The following MSL2 variants were observed in gnomAD, a reference collection of about 807,000 sequenced individuals.
MSL2 encodes the protein MSL complex subunit 2, also known as E3 ubiquitin-protein ligase MSL2.
In MSL2, 2 loss-of-function variants were observed where a neutral mutation model predicts 35.8. The observed-to-expected ratio is 0.06, with a 90% CI of 0.02 to 0.18. MSL2 has a LOEUF of 0.18. MSL2 is among the 10% of genes least tolerant of loss of function. The pLI is 1.00. For synonymous variants in MSL2, 296 were observed against 255.7 expected, an observed-to-expected ratio of 1.16 and a Z score of -1.50; for missense variants, 523 against 706.7, an observed-to-expected ratio of 0.74 and a Z score of 2.95.
intron 1 of MSL2, among the ~76,000 whole-genome samples, chr3:136,158,294 T>G: frequency 6.9e-6 from 1 of 145,846 alleles, no homozygotes; most frequent in South Asian, 2.2e-4. Context: ...CCTGGGCAAC[T>G]AAATCATCTC....
At chr3:136,163,870 G>A (rs529121626) in intron 1 of MSL2, among the ~76,000 whole-genome samples, 12 of 152,160 alleles carry the variant, frequency 7.9e-5, no homozygotes, top group Non-Finnish European at 1.8e-4. Context: ...TGAAGAAGGT[G>A]CCCTGCTTCC....
At chr3:136,158,606 C>G (rs1939602705) in intron 1 of MSL2, among the ~76,000 whole-genome samples, 1 of 151,904 alleles carries the variant, frequency 6.6e-6, no homozygotes, top group Non-Finnish European at 1.5e-5. Context: ...CTTGTTCTAG[C>G]TGGTGCAGTA....
chr3:136,176,173 T>C (rs529469921), intron 1 of MSL2, among the ~76,000 whole-genome samples: 2 of 152,328 alleles, frequency 1.3e-5, no homozygotes, highest in Admixed American at 1.3e-4. Context: ...CTTTGCCCAA[T>C]ATAGTTGTGT....
At position 136,159,360 on chromosome 3, in the gene MSL2, T is replaced by TC. The variant is rs1174082835; in HGVS notation, c.143-6623_143-6622insG. ...GGGGAAAGGAGAGTACTTTCTTTTT[T>TC]TTTTTTTTTTTTTTTTTTTTTGAGA... On this transcript the variant is annotated intron_variant, in intron 1 of 1. Transcript: ENST00000309993. Among the ~76,000 whole-genome samples the TC allele has an allele frequency of 2.6e-4, 33 of 126,224 alleles. 1 individual carries two copies. The highest frequency in any genetic ancestry group is 9.9e-4 in the African/African-American group (32 of 32,438). The allele number at this position is 126,224 out of a possible 152,430, so 82.8% of individuals were successfully genotyped here.
Position 136,195,480 on chromosome 3 carries a change from G to T in MSL2, c.-367C>A, listed in dbSNP as rs372080099. 102 of 1,018,880 alleles carry T rather than the reference G, an allele frequency of 1.0e-4. No homozygotes were observed. The highest frequency in any genetic ancestry group is 1.2e-4 in the Non-Finnish European group (99 of 851,512). 63.1% of individuals were successfully genotyped at this position (1,018,880 alleles called of 1,614,324 possible). Reference sequence around the variant, plus strand: ...CGGCCTGCACTCGAGCTCCATCTCCGGACACGGAGGCGCCTCCTCAAGTCG... The same window carrying T: ...CGGCCTGCACTCGAGCTCCATCTCCTGACACGGAGGCGCCTCCTCAAGTCG... On this transcript the variant is annotated 5_prime_UTR_variant, in exon 1 of 2. Coordinates refer to ENST00000309993, the MANE Select transcript of MSL2 (RefSeq NM_018133.4).
At chr3:136,154,198 T>A (rs1330775750) in intron 1 of MSL2, among the ~76,000 whole-genome samples, 1 of 150,176 alleles carries the variant, frequency 6.7e-6, no homozygotes, top group Non-Finnish European at 1.5e-5. Context: ...AAATACAAAA[T>A]GGAAAAAATT....
chr3:136,172,466 C>T (rs1272949064), intron 1 of MSL2, among the ~76,000 whole-genome samples: 3 of 152,096 alleles, frequency 2.0e-5, no homozygotes, highest in Non-Finnish European at 4.4e-5. Flanking sequence ...CCAGTTATTC[C>T]CTATGCAGAA....
rs1366882413 is a variant in MSL2, at chr3:136,156,302, T to C, written c.143-3564A>G. 2.6e-5 allele frequency among the ~76,000 whole-genome samples: 4 copies of C among 152,120 alleles called. No individual in the cohort carries two copies. In the East Asian group the frequency reaches 5.8e-4, roughly 22 times the overall value. ...TCTTTAAGGGGAGGAACCAGAGTGC[T>C]GAAGTAATGGAAGTCCGTCTGCATG... On this transcript the variant is annotated intron_variant, in intron 1 of 1. Transcript: ENST00000309993.
intron 1 of MSL2, among the ~76,000 whole-genome samples, chr3:136,181,283 TTGAA>T (rs1940353864): frequency 1.3e-5 from 2 of 152,106 alleles, no homozygotes; most frequent in African/African-American, 2.4e-5. Flanking sequence ...CGTTGATCTA[TTGAA>T]TGAAGTATTG....
intron 1 of MSL2, among the ~76,000 whole-genome samples, chr3:136,185,065 C>T (rs1940480480): frequency 6.6e-6 from 1 of 152,120 alleles, no homozygotes; most frequent in Non-Finnish European, 1.5e-5. Flanking sequence ...ACCTCCACCT[C>T]CCAGGTTCAG....
At chr3:136,164,392 TCA>T (rs1234676233) in intron 1 of MSL2, among the ~76,000 whole-genome samples, 3 of 152,310 alleles carry the variant, frequency 2.0e-5, no homozygotes, top group East Asian at 3.9e-4. Context: ...TCACTTAGCT[TCA>T]CAGACTGCCC....
At chr3:136,154,274 T>C (rs181501915) in intron 1 of MSL2, among the ~76,000 whole-genome samples, 1 of 152,206 alleles carries the variant, frequency 6.6e-6, no homozygotes, top group East Asian at 1.9e-4. Context: ...TTCTGACAGA[T>C]TTCAAAACGA....
intron 1 of MSL2, among the ~76,000 whole-genome samples, chr3:136,180,909 G>A (rs976328972): frequency 1.3e-5 from 2 of 151,288 alleles, no homozygotes; most frequent in African/African-American, 2.4e-5. Context: ...TTTGCGGGGC[G>A]GGGGAGCAGA....
At chr3:136,162,705 A>G (rs1245694550) in intron 1 of MSL2, among the ~76,000 whole-genome samples, 1 of 152,270 alleles carries the variant, frequency 6.6e-6, no homozygotes, top group African/African-American at 2.4e-5. Flanking sequence ...ATTTTATATA[A>G]TAGTGTAACA....
intron 1 of MSL2, among the ~76,000 whole-genome samples, chr3:136,160,188 A>G (rs1354451678): frequency 6.8e-6 from 1 of 147,316 alleles, no homozygotes; most frequent in African/African-American, 2.5e-5. Context: ...GGGCAGGAGA[A>G]TTGCTTGAAT....
chr3:136,172,429 A>C (rs1056359197), intron 1 of MSL2, among the ~76,000 whole-genome samples: 1 of 151,790 alleles, frequency 6.6e-6, no homozygotes, highest in Non-Finnish European at 1.5e-5. Context: ...TCCACCTTCA[A>C]CCTTCCTTCC....
intron 1 of MSL2, among the ~76,000 whole-genome samples, chr3:136,161,207 T>C (rs1939699535): frequency 6.6e-6 from 1 of 152,166 alleles, no homozygotes; most frequent in East Asian, 1.9e-4. Context: ...AAAACAACAA[T>C]GCCAAAAGTT....
intron 1 of MSL2, among the ~76,000 whole-genome samples, chr3:136,160,325 A>G (rs1433167456): frequency 5.8e-5 from 2 of 34,310 alleles, no homozygotes; most frequent in East Asian, 9.6e-4. Context: ...GAGGGAGGGA[A>G]GGAGGGAAGG....
rs368091887 is a variant in MSL2, at chr3:136,195,121, A to G, written c.-8T>C. 54 of 1,590,966 alleles carry G rather than the reference A, an allele frequency of 3.4e-5. No homozygotes were observed. The African/African-American group carries it at 7.1e-4, about 21-fold the overall frequency. ...AGCATTCACGGGGTTCATTGCAGAC[A>G]CTTCGACACCAATGGCTCCCGGTTG... On this transcript the variant is annotated 5_prime_UTR_variant, in exon 1 of 2. Transcript: ENST00000309993.
Sources: gnomAD v4.1 joint callset for allele counts (sites outside exome capture counted in the v4.1 genomes callset) on GRCh38, gnomAD v4.1.1 for gene constraint, MANE v1.5 for transcripts, NCBI Gene and HGNC (gene_info 2026-07-23, HGNC 2026-07-21) for gene names.